The following ZNF169 variants were observed in gnomAD, a reference collection of about 807,000 sequenced individuals.
The protein encoded by ZNF169 is zinc finger protein 169.
Under a neutral mutation model 12.0 loss-of-function variants are expected in ZNF169, and 11 were observed. The observed-to-expected ratio is 0.92, with a 90% confidence interval of 0.58 to 1.52. The LOEUF is 1.52. ZNF169 is among the 40% of genes most tolerant of loss of function. The probability of loss-of-function intolerance (pLI) is 0.00; values close to 1 mark genes in which losing one functional copy is unlikely to be tolerated. For missense variants in ZNF169, 722 were observed against 744.0 expected, an observed-to-expected ratio of 0.97 and a Z score of 0.34; for synonymous variants, 302 against 286.5, an observed-to-expected ratio of 1.05 and a Z score of -0.55.
At chr9:94,266,417 G>A (rs1285537745) in intron 1 of ZNF169, among the ~76,000 whole-genome samples, 1 of 152,160 alleles carries the variant, frequency 6.6e-6, no homozygotes, top group Non-Finnish European at 1.5e-5. Context: ...ACGCAGCGCT[G>A]GAGTGAAAGA....
chr9:94,293,153 C>T, intron 4 of ZNF169, 84 bp downstream of exon 4: 3 of 1,261,006 alleles, frequency 2.4e-6, no homozygotes, highest in Non-Finnish European at 3.4e-6. Flanking sequence ...CTTTGAGGTG[C>T]TAGGAGGAAG....
intron 1 of ZNF169, among the ~76,000 whole-genome samples, chr9:94,259,583 G>T (rs1228022243): frequency 6.6e-6 from 1 of 152,178 alleles, no homozygotes; most frequent in Non-Finnish European, 1.5e-5. Context: ...CGTGCTTCTG[G>T]CGGGACTTTG....
chr9:94,287,989 T>TC, intron 2 of ZNF169: 1 of 800,428 alleles, frequency 1.2e-6, no homozygotes, highest in Non-Finnish European at 2.2e-6. Context: ...CCAAACTCTG[T>TC]CCCATCATTC....
chr9:94,261,323 C>T (rs550598889), intron 1 of ZNF169, among the ~76,000 whole-genome samples: 1 of 151,748 alleles, frequency 6.6e-6, no homozygotes, highest in African/African-American at 2.4e-5. Flanking sequence ...GCACCCCGCT[C>T]GAGACGGGGT....
chr9:94,278,949 G>T (rs372454271), intron 2 of ZNF169, 104 bp downstream of exon 2: 36 of 1,168,056 alleles, frequency 3.1e-5, no homozygotes, highest in Non-Finnish European at 4.5e-5. Context: ...TCTTGATCTT[G>T]TAGGCGTGAC....
chr9:94,268,729 T>C (rs965332070), intron 1 of ZNF169, among the ~76,000 whole-genome samples: 2 of 143,648 alleles, frequency 1.4e-5, no homozygotes, highest in African/African-American at 5.3e-5. Flanking sequence ...GGGGTTACAA[T>C]GAGCCGAGAT....
intron 1 of ZNF169, among the ~76,000 whole-genome samples, chr9:94,277,931 CAA>C (rs1199250828): frequency 1.2e-5 from 1 of 86,582 alleles, no homozygotes; most frequent in Non-Finnish European, 2.4e-5. Context: ...GACTCCGACT[CAA>C]AAAAAAAAAG....
At chr9:94,282,043 C>G (rs1564087797) in intron 2 of ZNF169, among the ~76,000 whole-genome samples, 1 of 152,104 alleles carries the variant, frequency 6.6e-6, no homozygotes, top group African/African-American at 2.4e-5. Flanking sequence ...GTGGATTTTT[C>G]CCACAAGAGA....
Position 94,300,907 on chromosome 9 carries a change from G to A in ZNF169, c.1349G>A (p.Arg450Lys). The change falls in exon 5 of 5, where the codon AGG becomes AAG. Residue 450 changes from arginine to lysine, a missense_variant. Coordinates refer to ENST00000395395, the MANE Select transcript of ZNF169 (RefSeq NM_194320.4). The part of the protein sequence containing the change: ...SQKVTLIGHQ[R>K]THTGEKPYLC... ...AAGGTCACCCTCATTGGACACCAGA[G>A]GACACACACAGGGGAGAAGCCCTAC... 6.2e-7 allele frequency: 1 copy of A among 1,613,854 alleles called. No individual in the cohort carries two copies. The highest frequency in any genetic ancestry group is 8.5e-7 in the Non-Finnish European group (1 of 1,179,962).
intron 4 of ZNF169, chr9:94,299,326 C>T (rs534658931): frequency 5.6e-4 from 227 of 404,996 alleles, no homozygotes; most frequent in African/African-American, 4.2e-3. Context: ...TTATCTGATT[C>T]GTGGGTGCCC....
chr9:94,297,249 A>G lies in ZNF169; in HGVS notation c.257-2566A>G, dbSNP rs75554712. Reference sequence around the variant, plus strand: ...ACACATAAATAATACTGTGTCTTACAGTACGTGAACACAGTATAGCTCTCC... The same window carrying G: ...ACACATAAATAATACTGTGTCTTACGGTACGTGAACACAGTATAGCTCTCC... On this transcript the variant is annotated intron_variant, in intron 4 of 4. Coordinates refer to ENST00000395395, the MANE Select transcript of ZNF169 (RefSeq NM_194320.4). Among the ~76,000 whole-genome samples, 13 of 150,148 alleles carry G rather than the reference A, an allele frequency of 8.7e-5. No individual in the cohort carries two copies. The East Asian group carries it at 1.9e-3, about 22-fold the overall frequency.
intron 2 of ZNF169, among the ~76,000 whole-genome samples, chr9:94,288,953 G>A (rs568322827): frequency 8.5e-5 from 13 of 152,316 alleles, no homozygotes; most frequent in Middle Eastern, 3.4e-3. Flanking sequence ...TATTCTTCAT[G>A]AATTTCCTAA....
chr9:94,288,141 G>A, intron 2 of ZNF169: 2 of 803,354 alleles, frequency 2.5e-6, no homozygotes, highest in East Asian at 2.6e-5. Flanking sequence ...ACCCTGGAAT[G>A]AGGGCCCAGC....
At chr9:94,287,073 A>G (rs1182659340) in intron 2 of ZNF169, among the ~76,000 whole-genome samples, 3 of 152,220 alleles carry the variant, frequency 2.0e-5, no homozygotes, top group African/African-American at 7.2e-5. Flanking sequence ...TCATTTACTC[A>G]ATATGAATTT....
intron 1 of ZNF169, among the ~76,000 whole-genome samples, chr9:94,266,330 G>T (rs765810754): frequency 6.6e-6 from 1 of 152,174 alleles, no homozygotes; most frequent in Non-Finnish European, 1.5e-5. Flanking sequence ...TTTGTCACAA[G>T]AATTGTAGGG....
At chr9:94,285,313 A>T (rs949019202) in intron 2 of ZNF169, among the ~76,000 whole-genome samples, 1 of 152,228 alleles carries the variant, frequency 6.6e-6, no homozygotes, top group Admixed American at 6.5e-5. Flanking sequence ...TTACCAGTAT[A>T]TTAGCGGTAA....
chr9:94,280,293 A>AT (rs1317043344), intron 2 of ZNF169, among the ~76,000 whole-genome samples: 2 of 152,078 alleles, frequency 1.3e-5, no homozygotes, highest in African/African-American at 4.8e-5. Flanking sequence ...GCAGTTCAGG[A>AT]TTTTTTTCCA....
intron 1 of ZNF169, among the ~76,000 whole-genome samples, chr9:94,260,811 C>CTT (rs1830189276): frequency 8.8e-6 from 1 of 114,050 alleles, no homozygotes; most frequent in Non-Finnish European, 1.8e-5. Flanking sequence ...TCCAAACCTA[C>CTT]ATTTTTTTTT....
rs868819590 is a variant in ZNF169, at chr9:94,301,178, GC to G, written c.1623del (p.Cys542AlafsTer77). ...SDQRTHSGEK[P>X]CICDECGRGF... is the part of the protein sequence containing the mutation. ...ACCAAAGGACACACTCAGGAGAGAA[GC>G]CCTGCATTTGCGATGAATGTGGGCG... On this transcript the variant is annotated frameshift_variant, in exon 5 of 5. Coordinates refer to ENST00000395395, the MANE Select transcript of ZNF169 (RefSeq NM_194320.4). LOFTEE classifies it low-confidence loss of function (END_TRUNC). 1 of 1,614,126 alleles carries G rather than the reference GC, an allele frequency of 6.2e-7. No homozygotes were observed. Among genetic ancestry groups the G allele is most frequent in the African/African-American group, 1.3e-5 (1 of 74,944 alleles).
Sources: allele counts gnomAD v4.1 joint callset (sites outside exome capture counted in the v4.1 genomes callset), GRCh38; gene constraint gnomAD v4.1.1; transcripts MANE v1.5; gene names NCBI Gene and HGNC (gene_info 2026-07-23, HGNC 2026-07-21).